The following WIPF3 variants were observed in gnomAD, a reference collection of about 807,000 sequenced individuals.
WIPF3 encodes WAS/WASL interacting protein family member 3.
In WIPF3, 33 loss-of-function variants were observed where a neutral mutation model predicts 38.9. The ratio of observed to expected loss-of-function variants is 0.85; its 90% CI spans 0.64 to 1.14. The LOEUF (loss-of-function observed/expected upper bound fraction) is 1.14, where lower values mean the gene tolerates loss of function less well. WIPF3 is among the 50% of genes most tolerant of loss of function. The probability of loss-of-function intolerance (pLI) is 0.00; values close to 1 mark genes in which losing one functional copy is unlikely to be tolerated. For missense variants in WIPF3, 711 were observed against 652.5 expected (o/e 1.09, Z -0.98); for synonymous variants, 324 against 269.3 (o/e 1.20, Z -1.99).
intron 1 of WIPF3, among the ~76,000 whole-genome samples, chr7:29,829,208 C>CTTT (rs57757714): frequency 2.7e-5 from 2 of 74,510 alleles, no homozygotes; most frequent in South Asian, 5.6e-4. Context: ...CTGACTCCTG[C>CTTT]TTTTTTTTTT....
chr7:29,836,870 A>G (rs1486279985), intron 2 of WIPF3, among the ~76,000 whole-genome samples: 1 of 152,058 alleles, frequency 6.6e-6, no homozygotes, highest in African/African-American at 2.4e-5. Context: ...GGTGCCTGTA[A>G]TCCCAGCTAC....
At chr7:29,912,141 A>G (rs1786515797) in intron 8 of WIPF3, among the ~76,000 whole-genome samples, 1 of 151,958 alleles carries the variant, frequency 6.6e-6, no homozygotes, top group African/African-American at 2.4e-5. Context: ...TTCTCTAAAG[A>G]AGATAAACAA....
intron 1 of WIPF3, among the ~76,000 whole-genome samples, chr7:29,832,043 GGT>G (rs1784731112): frequency 6.6e-6 from 1 of 152,144 alleles, no homozygotes; most frequent in African/African-American, 2.4e-5. Flanking sequence ...CGTTTGTAAA[GGT>G]TATTCTTCCC....
chr7:29,905,244 A>G (rs1039095264), intron 8 of WIPF3: 5 of 152,250 alleles, frequency 3.3e-5, no homozygotes, highest in African/African-American at 1.2e-4. Context: ...TGCAGTAACG[A>G]TTCTTAGACG....
At chr7:29,859,779 G>A (rs768540493) in intron 2 of WIPF3, among the ~76,000 whole-genome samples, 2 of 152,122 alleles carry the variant, frequency 1.3e-5, no homozygotes, top group African/African-American at 2.4e-5. Flanking sequence ...AAAATGCATG[G>A]CCATTTTACA....
intron 2 of WIPF3, among the ~76,000 whole-genome samples, chr7:29,848,175 A>G (rs552703730): frequency 2.6e-5 from 4 of 152,330 alleles, no homozygotes; most frequent in African/African-American, 9.6e-5. Flanking sequence ...GCCACAGATT[A>G]GACCCACATG....
At chr7:29,810,508 A>G (rs1353130942) in intron 1 of WIPF3, among the ~76,000 whole-genome samples, 1 of 150,748 alleles carries the variant, frequency 6.6e-6, no homozygotes, top group African/African-American at 2.4e-5. Flanking sequence ...ATGAATGAAT[A>G]TCTGGAAGTA....
At chr7:29,872,798 C>CAAA (rs61693654) in intron 2 of WIPF3, among the ~76,000 whole-genome samples, 8,320 of 31,040 alleles carry the variant, frequency 0.27, 2,293 homozygotes, top group Non-Finnish European at 0.29. Context: ...GACTCCATCT[C>CAAA]AAAAAAAAAA....
intron 2 of WIPF3, among the ~76,000 whole-genome samples, chr7:29,855,379 T>C (rs911825254): frequency 6.6e-6 from 1 of 152,358 alleles, no homozygotes; most frequent in African/African-American, 2.4e-5. Context: ...TTGCTTCTAA[T>C]GACATAAATT....
chr7:29,866,057 G>A (rs1785381610), intron 2 of WIPF3, among the ~76,000 whole-genome samples: 1 of 152,198 alleles, frequency 6.6e-6, no homozygotes, highest in African/African-American at 2.4e-5. Flanking sequence ...TACTTGGGAG[G>A]CTGAGGCAGG....
intron 7 of WIPF3, among the ~76,000 whole-genome samples, chr7:29,899,360 C>T (rs1378309166): frequency 6.6e-6 from 1 of 152,206 alleles, no homozygotes; most frequent in Non-Finnish European, 1.5e-5. Context: ...ACTTTTTATT[C>T]TCTTTACACT....
rs144682250 is a variant in WIPF3 at position 29,866,135 on chromosome 7, C to T, written c.91-9695C>T. Among the ~76,000 whole-genome samples the T allele has an allele frequency of 1.2e-3, 189 of 152,012 alleles. 2 individuals carry two copies. The East Asian group carries it at 0.018, about 15-fold the overall frequency. On this transcript the variant is annotated intron_variant, in intron 2 of 8. Transcript: ENST00000242140. ...AGTCGCGCCACTGCACTCCAGCCTGCGCGACAGAGCAAGACTCTGTCTCAA... is the reference window on the plus strand; with the variant it reads ...AGTCGCGCCACTGCACTCCAGCCTGTGCGACAGAGCAAGACTCTGTCTCAA...
chr7:29,808,009 T>G (rs1784310769), intron 1 of WIPF3, among the ~76,000 whole-genome samples: 1 of 152,296 alleles, frequency 6.6e-6, no homozygotes, highest in African/African-American at 2.4e-5. Context: ...AGGTTGTTTT[T>G]GGGCCTTGCA....
At chr7:29,860,636 G>A (rs1785259269) in intron 2 of WIPF3, among the ~76,000 whole-genome samples, 1 of 152,164 alleles carries the variant, frequency 6.6e-6, no homozygotes, top group African/African-American at 2.4e-5. Context: ...AACACAAACA[G>A]ACTAAGATAA....
intron 1 of WIPF3, among the ~76,000 whole-genome samples, chr7:29,828,552 C>T (rs879452543): frequency 2.0e-5 from 3 of 152,170 alleles, no homozygotes; most frequent in Non-Finnish European, 4.4e-5. Flanking sequence ...AATTGAACTT[C>T]GCGCAAAAAT....
At chr7:29,862,261 G>A (rs174951) in intron 2 of WIPF3, among the ~76,000 whole-genome samples, 139,821 of 152,194 alleles carry the variant, frequency 0.92, 64,351 homozygotes, top group East Asian at 1. Context: ...AGACAACTCA[G>A]CTTGAGTTCA....
chr7:29,907,035 G>C (rs2128081328), intron 8 of WIPF3, among the ~76,000 whole-genome samples: 1 of 152,152 alleles, frequency 6.6e-6, no homozygotes, highest in Non-Finnish European at 1.5e-5. Context: ...AGTCCTAAAG[G>C]GTCAAATGAA....
intron 8 of WIPF3, among the ~76,000 whole-genome samples, chr7:29,908,693 C>T (rs1312700504): frequency 3.9e-5 from 6 of 152,016 alleles, no homozygotes; most frequent in African/African-American, 2.4e-5. Flanking sequence ...GGTGGATCAC[C>T]TGAGGTCAGG....
At chr7:29,814,561 C>G (rs1784428401) in intron 1 of WIPF3, among the ~76,000 whole-genome samples, 1 of 152,150 alleles carries the variant, frequency 6.6e-6, no homozygotes, top group Non-Finnish European at 1.5e-5. Flanking sequence ...AGCACACAGG[C>G]TTGGGATCAA....
Sources: gnomAD v4.1 joint callset for allele counts (sites outside exome capture counted in the v4.1 genomes callset) on GRCh38, gnomAD v4.1.1 for gene constraint, MANE v1.5 for transcripts, NCBI Gene and HGNC (gene_info 2026-07-23, HGNC 2026-07-21) for gene names.